Variants in CHP1 observed in about 807,000 individuals in gnomAD.
CHP1 encodes the protein calcineurin B homologous protein 1.
Under a neutral mutation model 27.4 loss-of-function variants are expected in CHP1, and 11 were observed. That is an observed-to-expected ratio of 0.40 (90% confidence interval 0.25 to 0.67). The LOEUF (loss-of-function observed/expected upper bound fraction) is 0.67, where lower values mean the gene tolerates loss of function less well. CHP1 is among the 30% of genes least tolerant of loss of function. CHP1 has a pLI of 0.38. For missense variants in CHP1, 169 were observed against 251.3 expected (o/e 0.67, Z 2.22); for synonymous variants, 89 against 87.4 (o/e 1.02, Z -0.10).
chr15:41,265,070 A>G (rs2047453278), intron 4 of CHP1, among the ~76,000 whole-genome samples: 1 of 151,986 alleles, frequency 6.6e-6, no homozygotes, highest in Admixed American at 6.6e-5. Context: ...CCTTAGAGAA[A>G]GGGGATGTGG....
intron 2 of CHP1, among the ~76,000 whole-genome samples, chr15:41,252,926 G>GTTTT (rs1567007144): frequency 9.2e-6 from 1 of 109,082 alleles, no homozygotes; most frequent in African/African-American, 3.4e-5. Context: ...TATTTCACAT[G>GTTTT]GTTTTTTTTT....
chr15:41,255,545 C>A (rs1398747120), intron 2 of CHP1, among the ~76,000 whole-genome samples: 1 of 151,756 alleles, frequency 6.6e-6, no homozygotes, highest in Non-Finnish European at 1.5e-5. Flanking sequence ...TGGTAGCACC[C>A]GCTTGTAATG....
intron 3 of CHP1, among the ~76,000 whole-genome samples, chr15:41,261,584 C>T (rs1010929030): frequency 1.3e-5 from 2 of 152,104 alleles, no homozygotes; most frequent in African/African-American, 4.8e-5. Context: ...CTTGGCTGGG[C>T]ATGGTGGCTC....
intron 4 of CHP1, among the ~76,000 whole-genome samples, chr15:41,264,723 G>A (rs2047451838): frequency 6.6e-6 from 1 of 152,188 alleles, no homozygotes; most frequent in Non-Finnish European, 1.5e-5. Context: ...GGGATTACAG[G>A]CATGAGCCTC....
intron 5 of CHP1, 97 bp from the exon 6 acceptor site, chr15:41,278,670 A>G (rs1595484425): frequency 1.3e-6 from 2 of 1,485,272 alleles, no homozygotes; most frequent in Non-Finnish European, 1.8e-6. Flanking sequence ...GAGGGCATCA[A>G]AGGAAAAGGA....
intron 3 of CHP1, among the ~76,000 whole-genome samples, chr15:41,261,766 G>A (rs1252316575): frequency 6.6e-6 from 1 of 151,990 alleles, no homozygotes; most frequent in African/African-American, 2.4e-5. Context: ...GCTGAGGCGG[G>A]CAGATCACCT....
At chr15:41,270,533 T>C (rs767478673) in intron 4 of CHP1, 24 bp from the exon 5 acceptor site, 2 of 1,599,748 alleles carry the variant, frequency 1.3e-6, no homozygotes, top group Admixed American at 1.7e-5. Flanking sequence ...GAATTTTGAC[T>C]AACTTTGTGT....
At chr15:41,247,695 G>A (rs781275944) in intron 2 of CHP1, among the ~76,000 whole-genome samples, 10 of 149,196 alleles carry the variant, frequency 6.7e-5, no homozygotes, top group South Asian at 2.1e-4. Context: ...AAATAGGGCC[G>A]GGCGCGGTGG....
Position 41,231,281 on chromosome 15 carries a change from C to A in CHP1, c.-102C>A. On this transcript the variant is annotated 5_prime_UTR_variant, in exon 1 of 7. Coordinates refer to ENST00000334660, the MANE Select transcript of CHP1 (RefSeq NM_007236.5). ...TCCCGGGTCCGCAGTGGAAACACTG[C>A]CCTCTCCCTTCTTGACCCCTAGCCC... 8.5e-7 allele frequency: 1 copy of A among 1,182,792 alleles called. No individual in the cohort carries two copies. Among genetic ancestry groups the A allele is most frequent in the Non-Finnish European group, 1.2e-6 (1 of 816,724 alleles). 73.3% of individuals were successfully genotyped at this position (1,182,792 alleles called of 1,614,324 possible). A position where few individuals can be genotyped will look rare whatever the true frequency, so the allele number is the denominator to read the frequency against.
chr15:41,234,884 G>A (rs1169573239), intron 1 of CHP1, among the ~76,000 whole-genome samples: 3 of 152,168 alleles, frequency 2.0e-5, no homozygotes, highest in African/African-American at 7.2e-5. Context: ...TATCATTGGG[G>A]AGGTGACAGC....
intron 2 of CHP1, among the ~76,000 whole-genome samples, chr15:41,247,417 C>T (rs551598721): frequency 1.3e-5 from 2 of 151,430 alleles, no homozygotes; most frequent in Admixed American, 6.6e-5. Context: ...CTCTTGTAAT[C>T]CCAGCACTTT....
chr15:41,255,936 G>C (rs1272254537), intron 2 of CHP1, among the ~76,000 whole-genome samples: 2 of 152,170 alleles, frequency 1.3e-5, no homozygotes, highest in South Asian at 2.1e-4. Context: ...AGAATCGCTT[G>C]AACCTGGGAA....
chr15:41,261,901 A>T (rs528800429), intron 3 of CHP1, among the ~76,000 whole-genome samples: 2 of 151,840 alleles, frequency 1.3e-5, no homozygotes, highest in East Asian at 3.9e-4. Context: ...CTGGGGCAGG[A>T]GAATCGCTTG....
At chr15:41,255,355 GA>G (rs1003428953) in intron 2 of CHP1, among the ~76,000 whole-genome samples, 3 of 152,138 alleles carry the variant, frequency 2.0e-5, no homozygotes, top group Non-Finnish European at 4.4e-5. Context: ...ACCAACAAAA[GA>G]AAGTTTTTAA....
At chr15:41,278,657 T>C (rs1011949523) in intron 5 of CHP1, 110 bp from the exon 6 acceptor site, 29 of 1,334,162 alleles carry the variant, frequency 2.2e-5, no homozygotes, top group Non-Finnish European at 3.0e-5. Flanking sequence ...CATGACTGTA[T>C]TTGAGGGCAT....
intron 5 of CHP1, among the ~76,000 whole-genome samples, chr15:41,275,684 G>A (rs779807221): frequency 2.6e-5 from 4 of 152,072 alleles, no homozygotes; most frequent in Non-Finnish European, 5.9e-5. Flanking sequence ...CCATCCTCCT[G>A]CCTCAGCCGC....
At chr15:41,272,686 G>T (rs934124072) in intron 5 of CHP1, among the ~76,000 whole-genome samples, 1 of 152,128 alleles carries the variant, frequency 6.6e-6, no homozygotes. Context: ...CTCCCAAAGT[G>T]CTGGGATTAC....
intron 2 of CHP1, among the ~76,000 whole-genome samples, chr15:41,245,157 CCT>C (rs2047327919): frequency 6.6e-6 from 1 of 152,106 alleles, no homozygotes; most frequent in African/African-American, 2.4e-5. Context: ...ATTATATGGC[CCT>C]CTCATAACTG....
chr15:41,261,694 T>A (rs180807437), intron 3 of CHP1, among the ~76,000 whole-genome samples: 8 of 151,596 alleles, frequency 5.3e-5, no homozygotes, highest in Non-Finnish European at 7.4e-5. Flanking sequence ...CTGTCTGTAC[T>A]AAAAATACAA....
Sources: gnomAD v4.1 joint callset for allele counts (sites outside exome capture counted in the v4.1 genomes callset) on GRCh38, gnomAD v4.1.1 for gene constraint, MANE v1.5 for transcripts, NCBI Gene and HGNC (gene_info 2026-07-23, HGNC 2026-07-21) for gene names.